NTM: variants seen among roughly 807,000 people sequenced by gnomAD.
NTM encodes the protein IgLON family member 2.
NTM carries 13 observed loss-of-function variants against 42.1 expected under a neutral mutation model. The ratio of observed to expected loss-of-function variants is 0.31; its 90% CI spans 0.20 to 0.49. The LOEUF is 0.49. Among genes scored for constraint, NTM ranks in the 20% least tolerant of loss-of-function variants. The pLI, the probability that NTM is intolerant of heterozygous loss-of-function variation, is 0.99. For synonymous variants in NTM, 187 were observed against 179.2 expected, an observed-to-expected ratio of 1.04 and a Z score of -0.35; for missense variants, 373 against 452.8, an observed-to-expected ratio of 0.82 and a Z score of 1.60.
chr11:132,276,242 T>C (rs906597096), intron 4 of NTM, among the ~76,000 whole-genome samples: 4 of 152,138 alleles, frequency 2.6e-5, no homozygotes, highest in Non-Finnish European at 4.4e-5. Context: ...TATTCATCCA[T>C]CGTTAGTCAC....
intron 4 of NTM, among the ~76,000 whole-genome samples, chr11:132,241,949 T>C (rs77205374): frequency 0.018 from 2,812 of 152,250 alleles, 92 homozygotes; most frequent in African/African-American, 0.065. Flanking sequence ...GTGTGCTGTG[T>C]TTTCTCTCCC....
At chr11:131,399,312 A>G (rs1024007678) in intron 1 of NTM, among the ~76,000 whole-genome samples, 1 of 152,146 alleles carries the variant, frequency 6.6e-6, no homozygotes, top group African/African-American at 2.4e-5. Flanking sequence ...TGGACTCACG[A>G]TTCTGAATAT....
chr11:131,908,516 C>T (rs1409904504), intron 1 of NTM, among the ~76,000 whole-genome samples: 2 of 152,224 alleles, frequency 1.3e-5, no homozygotes, highest in Non-Finnish European at 2.9e-5. Flanking sequence ...GAAATGACTG[C>T]AAAGCTCAGA....
At chr11:132,112,993 T>C (rs2136783527) in intron 2 of NTM, among the ~76,000 whole-genome samples, 1 of 152,320 alleles carries the variant, frequency 6.6e-6, no homozygotes, top group Admixed American at 6.5e-5. Context: ...GGACCATCTT[T>C]TATGTTTTTA....
intron 2 of NTM, among the ~76,000 whole-genome samples, chr11:132,083,035 C>G (rs1425031708): frequency 1.3e-5 from 2 of 152,124 alleles, no homozygotes; most frequent in Admixed American, 6.6e-5. Flanking sequence ...AAAGAAACCT[C>G]CAGGTTATGG....
chr11:132,174,383 T>C (rs772757582), intron 3 of NTM, among the ~76,000 whole-genome samples: 3 of 152,240 alleles, frequency 2.0e-5, no homozygotes, highest in African/African-American at 4.8e-5. Flanking sequence ...CCTGTACTTA[T>C]GTGATGCATT....
chr11:131,572,734 T>C (rs975848853), intron 1 of NTM, among the ~76,000 whole-genome samples: 17 of 152,058 alleles, frequency 1.1e-4, no homozygotes, highest in African/African-American at 3.9e-4. Context: ...GCTATTAAGG[T>C]GTGGCGTGAT....
intron 4 of NTM, among the ~76,000 whole-genome samples, chr11:132,305,005 A>G (rs1356973806): frequency 6.6e-6 from 1 of 152,232 alleles, no homozygotes; most frequent in African/African-American, 2.4e-5. Flanking sequence ...CCTTTCCTAC[A>G]CAAGATCACC....
In NTM at chr11:132,049,980, T is replaced by C. The variant is rs1183595983; in HGVS notation, c.168-96302T>C. Among the ~76,000 whole-genome samples, 3 of 152,290 alleles carry C rather than the reference T, an allele frequency of 2.0e-5. No individual in the cohort carries two copies. The East Asian group carries it at 5.8e-4, about 29-fold the overall frequency. On this transcript the variant is annotated intron_variant, in intron 2 of 8. Transcript: ENST00000683400. The stretch of plus-strand genomic sequence containing the variant: ...CTCCTGAGCAGGTGATTCTGAAAGA[T>C]GCAGTGTCTCTCTCCCAGCTTTCCC...
At chr11:132,233,483 G>A (rs942974136) in intron 4 of NTM, among the ~76,000 whole-genome samples, 7 of 152,196 alleles carry the variant, frequency 4.6e-5, no homozygotes, top group Non-Finnish European at 1.0e-4. Flanking sequence ...GTAGGTTTAC[G>A]AATAGCTTGT....
At chr11:131,734,828 T>C in intron 1 of NTM, among the ~76,000 whole-genome samples, 1 of 152,200 alleles carries the variant, frequency 6.6e-6, no homozygotes, top group East Asian at 1.9e-4. Flanking sequence ...CTTTTATTAT[T>C]TCTCCACCCA....
chr11:131,809,281 GC>G (rs1451254376), intron 1 of NTM, among the ~76,000 whole-genome samples: 2 of 152,232 alleles, frequency 1.3e-5, no homozygotes, highest in Non-Finnish European at 2.9e-5. Flanking sequence ...CTGGTAAGTA[GC>G]CATCCTCCCC....
At chr11:131,463,768 C>T (rs191247494) in intron 1 of NTM, among the ~76,000 whole-genome samples, 15 of 152,288 alleles carry the variant, frequency 9.8e-5, no homozygotes, top group African/African-American at 3.4e-4. Context: ...GCTGGGGCAT[C>T]GGCGCCTCTC....
chr11:131,801,054 T>C (rs755704846), intron 1 of NTM, among the ~76,000 whole-genome samples: 1 of 152,146 alleles, frequency 6.6e-6, no homozygotes, highest in African/African-American at 2.4e-5. Context: ...AGAATTAATA[T>C]GTCAGAGGAA....
In NTM at chr11:131,519,236, C is replaced by T. The variant is rs138095556; in HGVS notation, c.82+148348C>T. Among the ~76,000 whole-genome samples, 278 of 152,322 alleles carry T rather than the reference C, an allele frequency of 1.8e-3. 2 individuals carry two copies. The highest frequency in any genetic ancestry group is 6.4e-3 in the African/African-American group (264 of 41,570). ...CACTGCCCTCTTCTCCCATTTGAGG[C>T]TTCACTGGGACCTAGAACCTGCTTG... On this transcript the variant is annotated intron_variant, in intron 1 of 8. Coordinates refer to ENST00000683400, the MANE Select transcript of NTM (RefSeq NM_001352005.2).
In NTM at chr11:131,639,761, G is replaced by A. The variant is rs534605043; in HGVS notation, c.82+268873G>A. ...TCACAAGGTCAGGAGTTCGAGACCA[G>A]CCTGGCCAACATGGTGAAACCCCAT... On this transcript the variant is annotated intron_variant, in intron 1 of 8. Coordinates refer to ENST00000683400, the MANE Select transcript of NTM (RefSeq NM_001352005.2). Among the ~76,000 whole-genome samples, 5 of 152,158 alleles carry A rather than the reference G, an allele frequency of 3.3e-5. No individual in the cohort carries two copies. The South Asian group carries it at 1.0e-3, about 32-fold the overall frequency.
rs114686231 is a variant in NTM, at chr11:131,888,374, G to A, written c.83-23190G>A. Among the ~76,000 whole-genome samples the A allele has an allele frequency of 3.2e-3, 480 of 152,224 alleles. 5 individuals are homozygous for A. Among genetic ancestry groups the A allele is most frequent in the Admixed American group, 0.013 (200 of 15,284 alleles). ...TTTTGGAGAGGGCATTTCACACTGC[G>A]GAGAAATGCGTCGTTCATTCCCCTC... On this transcript the variant is annotated intron_variant, in intron 1 of 8. Transcript: ENST00000683400.
intron 3 of NTM, among the ~76,000 whole-genome samples, chr11:132,186,049 A>C (rs1327630495): frequency 3.9e-5 from 6 of 152,232 alleles, no homozygotes; most frequent in Non-Finnish European, 8.8e-5. Context: ...GTTCTGCCTT[A>C]GATAGTTAAG....
At chr11:131,804,689 C>T (rs1483801896) in intron 1 of NTM, among the ~76,000 whole-genome samples, 4 of 152,176 alleles carry the variant, frequency 2.6e-5, no homozygotes, top group Non-Finnish European at 4.4e-5. Context: ...CTTGTACCCC[C>T]AGGCCGCATA....
Sources: gnomAD v4.1 joint callset for allele counts (sites outside exome capture counted in the v4.1 genomes callset) on GRCh38, gnomAD v4.1.1 for gene constraint, MANE v1.5 for transcripts, NCBI Gene and HGNC (gene_info 2026-07-23, HGNC 2026-07-21) for gene names.